The following WDPCP variants were observed in gnomAD, a reference collection of about 807,000 sequenced individuals.
WDPCP encodes WD repeat containing planar cell polarity effector.
A neutral mutation model predicts 93.1 loss-of-function variants in WDPCP; 71 were observed. The observed-to-expected ratio is 0.76, with a 90% CI of 0.63 to 0.93. The LOEUF (loss-of-function observed/expected upper bound fraction) is 0.93. WDPCP is among the 40% of genes least tolerant of loss of function. The probability of loss-of-function intolerance (pLI) is 0.00; values close to 1 mark genes in which losing one functional copy is unlikely to be tolerated. For missense variants in WDPCP, 844 were observed against 887.4 expected (o/e 0.95, Z 0.62); for synonymous variants, 315 against 315.0 (o/e 1.00, Z 0.00).
intron 13 of WDPCP, among the ~76,000 whole-genome samples, chr2:63,306,798 A>G (rs2103849924): frequency 6.6e-6 from 1 of 152,344 alleles, no homozygotes; most frequent in Admixed American, 6.5e-5. Flanking sequence ...CTGAATGGGC[A>G]AAAGATAGAA....
chr2:63,650,007 G>C (rs1710092171), intron 3 of WDPCP, among the ~76,000 whole-genome samples: 1 of 152,220 alleles, frequency 6.6e-6, no homozygotes. Context: ...AAGACCAGTT[G>C]ATGTGTTACA....
chr2:63,315,342 T>C (rs1446874977), intron 12 of WDPCP, among the ~76,000 whole-genome samples: 1 of 152,180 alleles, frequency 6.6e-6, no homozygotes, highest in African/African-American at 2.4e-5. Flanking sequence ...CCAAGAATTC[T>C]GATTAAGCCA....
intron 2 of WDPCP, among the ~76,000 whole-genome samples, chr2:63,721,156 G>GA (rs1669407944): frequency 2.0e-5 from 3 of 152,226 alleles, no homozygotes; most frequent in African/African-American, 7.2e-5. Flanking sequence ...ATGAGTCAAG[G>GA]AAAATTGGCA....
intron 1 of WDPCP, among the ~76,000 whole-genome samples, chr2:63,529,978 T>C (rs1427054850): frequency 6.6e-6 from 1 of 152,242 alleles, no homozygotes; most frequent in Non-Finnish European, 1.5e-5. Context: ...TTTTCTAGTT[T>C]ATTTGTGTAG....
chr2:63,622,097 T>G, intron 3 of WDPCP: 3 of 1,265,280 alleles, frequency 2.4e-6, no homozygotes, highest in Non-Finnish European at 3.1e-6. Context: ...AAGTTGATTT[T>G]TAATGATAAA....
At chr2:63,437,860 A>C in intron 7 of WDPCP, 1 of 1,598,698 alleles carries the variant, frequency 6.3e-7, no homozygotes, top group Non-Finnish European at 8.5e-7. Context: ...ACTATTTCGC[A>C]CCTGAATGTA....
chr2:63,259,014 A>T (rs184262636), intron 14 of WDPCP, among the ~76,000 whole-genome samples: 1 of 152,214 alleles, frequency 6.6e-6, no homozygotes, highest in South Asian at 2.1e-4. Flanking sequence ...TAGTAACAGC[A>T]CTATGATAAT....
At chr2:63,588,685 C>G, upstream of WDPCP, 1 of 474,040 alleles carries the variant, frequency 2.1e-6, no homozygotes, top group South Asian at 2.2e-5. Flanking sequence ...CGCCAATTGC[C>G]GGGCTCCATC....
intron 1 of WDPCP, among the ~76,000 whole-genome samples, chr2:63,558,437 G>A (rs1428363018): frequency 6.6e-6 from 1 of 151,940 alleles, no homozygotes; most frequent in African/African-American, 2.4e-5. Context: ...CTTGAGGCAG[G>A]AGAATTGCTT....
At chr2:63,539,637 G>C (rs1211291416) in intron 1 of WDPCP, among the ~76,000 whole-genome samples, 2 of 152,068 alleles carry the variant, frequency 1.3e-5, no homozygotes, top group African/African-American at 4.8e-5. Flanking sequence ...AGTGAGCTCA[G>C]ATAATACCAC....
upstream of WDPCP, chr2:63,588,742 C>T: frequency 3.9e-6 from 2 of 513,794 alleles, no homozygotes; most frequent in Admixed American, 3.2e-5. Flanking sequence ...TTGTTGTCGT[C>T]CTCCAATCAC....
intron 2 of WDPCP, among the ~76,000 whole-genome samples, chr2:63,677,114 AGCTTCC>A (rs1409981042): frequency 6.6e-6 from 1 of 152,216 alleles, no homozygotes; most frequent in African/African-American, 2.4e-5. Flanking sequence ...ATATTTTTGA[AGCTTCC>A]TGTGTGGTTC....
intron 3 of WDPCP, among the ~76,000 whole-genome samples, chr2:63,619,320 C>T (rs923898940): frequency 1.3e-5 from 2 of 152,200 alleles, no homozygotes; most frequent in Admixed American, 1.3e-4. Context: ...GATTTCAAGA[C>T]TTGGAGTACC....
At chr2:63,722,070 G>A (rs1157754531) in intron 2 of WDPCP, among the ~76,000 whole-genome samples, 5 of 152,050 alleles carry the variant, frequency 3.3e-5, no homozygotes, top group African/African-American at 4.8e-5. Context: ...GCGTGATCTC[G>A]GCTCGCTACA....
At chr2:63,381,828 C>T in intron 11 of WDPCP, 78 bp downstream of exon 11, 2 of 1,498,878 alleles carry the variant, frequency 1.3e-6, no homozygotes, top group Non-Finnish European at 1.8e-6. Flanking sequence ...GACTCAAAAA[C>T]AACCTCAAAA....
chr2:63,457,140 G>C (rs74935533), intron 6 of WDPCP, among the ~76,000 whole-genome samples: 2 of 152,056 alleles, frequency 1.3e-5, no homozygotes, highest in South Asian at 4.2e-4. Flanking sequence ...AAGTGAAAAA[G>C]GAAACATTAC....
At chr2:63,396,986 A>T (rs997734751) in intron 10 of WDPCP, among the ~76,000 whole-genome samples, 4 of 152,178 alleles carry the variant, frequency 2.6e-5, no homozygotes, top group African/African-American at 9.6e-5. Flanking sequence ...CCCACAAAAG[A>T]CATGAAGTAT....
intron 14 of WDPCP, among the ~76,000 whole-genome samples, chr2:63,176,490 A>G (rs1673816467): frequency 2.0e-5 from 3 of 152,116 alleles, no homozygotes; most frequent in African/African-American, 7.2e-5. Context: ...GGGTCAAGCA[A>G]TCTTCCCACT....
chr2:63,699,082 C>T (rs1467560955), intron 2 of WDPCP, among the ~76,000 whole-genome samples: 1 of 152,110 alleles, frequency 6.6e-6, no homozygotes, highest in African/African-American at 2.4e-5. Context: ...AGAGCTTGAC[C>T]CTTCCAACAG....
Sources: allele counts gnomAD v4.1 joint callset (sites outside exome capture counted in the v4.1 genomes callset), GRCh38; gene constraint gnomAD v4.1.1; transcripts MANE v1.5; gene names NCBI Gene and HGNC (gene_info 2026-07-23, HGNC 2026-07-21).